Variants in NTRK3 observed in about 807,000 individuals in gnomAD.
NTRK3 encodes the protein neurotrophic receptor tyrosine kinase 3, also known as NT-3 growth factor receptor.
In NTRK3, 24 loss-of-function variants were observed where a neutral mutation model predicts 91.7. The ratio of observed to expected loss-of-function variants is 0.26; its 90% CI spans 0.19 to 0.37. NTRK3 has a LOEUF of 0.37. NTRK3 is among the 10% of genes least tolerant of loss of function. The pLI is 1.00. For synonymous variants in NTRK3, 483 were observed against 404.0 expected (o/e 1.20, Z -2.34); for missense variants, 880 against 1,068.9 (o/e 0.82, Z 2.46).
intron 5 of NTRK3, among the ~76,000 whole-genome samples, chr15:88,153,060 A>G (rs947551834): frequency 6.6e-6 from 1 of 152,162 alleles, no homozygotes; most frequent in African/African-American, 2.4e-5. Context: ...CTAACCAGAA[A>G]ACAATGAATG....
At chr15:87,917,432 G>T (rs866929537) in intron 17 of NTRK3, among the ~76,000 whole-genome samples, 1 of 152,074 alleles carries the variant, frequency 6.6e-6, no homozygotes, top group Non-Finnish European at 1.5e-5. Context: ...GACATTTAAG[G>T]CTCCTTCCAG....
chr15:88,249,228 C>G (rs1448401203), intron 3 of NTRK3, among the ~76,000 whole-genome samples: 1 of 152,176 alleles, frequency 6.6e-6, no homozygotes, highest in African/African-American at 2.4e-5. Flanking sequence ...TGCTGAGCCC[C>G]AGGTTCCCCA....
chr15:87,886,682 A>ATATATATATATATG (rs1328101070), intron 17 of NTRK3, among the ~76,000 whole-genome samples: 2 of 139,122 alleles, frequency 1.4e-5, no homozygotes, highest in Non-Finnish European at 3.1e-5. Flanking sequence ...TTTGCTATAT[A>ATATATATATATATG]TATATATATA....
chr15:88,150,674 G>C (rs1199759287), intron 5 of NTRK3, among the ~76,000 whole-genome samples: 2 of 152,088 alleles, frequency 1.3e-5, no homozygotes, highest in East Asian at 3.9e-4. Flanking sequence ...GTTCAGGGAG[G>C]GTTGCAGTGT....
At chr15:88,256,361 C>T in exon 2 of NTRK3, 4 of 638,498 alleles carry the variant, frequency 6.3e-6, no homozygotes. Flanking sequence ...GCCGCCGCCG[C>T]CGCCGGGTGG....
At chr15:88,110,793 A>C (rs1182963761) in intron 13 of NTRK3, among the ~76,000 whole-genome samples, 1 of 152,126 alleles carries the variant, frequency 6.6e-6, no homozygotes, top group African/African-American at 2.4e-5. Context: ...CCTGGGCCCA[A>C]TTTTCATTTC....
intron 16 of NTRK3, chr15:87,931,090 C>T: frequency 8.0e-6 from 3 of 375,304 alleles, no homozygotes; most frequent in South Asian, 4.0e-5. Flanking sequence ...CTGCTTCTTC[C>T]ACTCCTTATC....
chr15:88,213,495 C>CCAGACAGA (rs57605751), intron 3 of NTRK3, among the ~76,000 whole-genome samples: 1 of 151,860 alleles, frequency 6.6e-6, no homozygotes, highest in Non-Finnish European at 1.5e-5. Context: ...AGACTAAGGC[C>CCAGACAGA]CAGACAGACA....
rs141538690 is a variant in NTRK3, at chr15:87,937,907, G to C, written c.1716+2716C>G. On this transcript the variant is annotated intron_variant, in intron 15 of 18. Transcript: ENST00000394480. Reference sequence around the variant, plus strand: ...TTTAGACCAGATAAAACCACATGAAGAATTCATGAATCAGAAGACCACTGA... The same window carrying C: ...TTTAGACCAGATAAAACCACATGAACAATTCATGAATCAGAAGACCACTGA... Among the ~76,000 whole-genome samples the C allele has an allele frequency of 5.4e-3, 814 of 151,006 alleles. 9 individuals are homozygous for C. Among genetic ancestry groups the C allele is most frequent in the African/African-American group, 0.018 (754 of 41,082 alleles).
At chr15:88,250,544 G>C (rs1049827961) in intron 3 of NTRK3, among the ~76,000 whole-genome samples, 1 of 152,192 alleles carries the variant, frequency 6.6e-6, no homozygotes, top group Non-Finnish European at 1.5e-5. Flanking sequence ...TGGCCCCTGC[G>C]AGGGGGCTTT....
intron 13 of NTRK3, among the ~76,000 whole-genome samples, chr15:88,106,213 G>T (rs1396515186): frequency 6.6e-6 from 1 of 152,220 alleles, no homozygotes; most frequent in Non-Finnish European, 1.5e-5. Flanking sequence ...CTGCTACAGC[G>T]GCCGGCAGGA....
intron 17 of NTRK3, among the ~76,000 whole-genome samples, chr15:87,887,224 T>A (rs1160318531): frequency 1.3e-5 from 2 of 152,150 alleles, no homozygotes; most frequent in Non-Finnish European, 2.9e-5. Flanking sequence ...CTGAGAAGAA[T>A]CTTCAAAATT....
intron 3 of NTRK3, among the ~76,000 whole-genome samples, chr15:88,196,068 A>C (rs1008285131): frequency 1.3e-5 from 2 of 152,364 alleles, no homozygotes; most frequent in African/African-American, 4.8e-5. Context: ...GCTCAAGTGC[A>C]TTGCATAAAG....
intron 13 of NTRK3, among the ~76,000 whole-genome samples, chr15:88,102,718 C>A (rs183342614): frequency 1.4e-3 from 214 of 152,286 alleles, no homozygotes; most frequent in African/African-American, 4.9e-3. Flanking sequence ...TGCCATCCCC[C>A]TCCGAAATCT....
At chr15:88,044,423 G>A (rs2079963480) in intron 13 of NTRK3, among the ~76,000 whole-genome samples, 1 of 151,618 alleles carries the variant, frequency 6.6e-6, no homozygotes, top group African/African-American at 2.4e-5. Flanking sequence ...ACCATACCCG[G>A]CTAATTTTTT....
chr15:87,995,574 G>A (rs2075629722), intron 14 of NTRK3, among the ~76,000 whole-genome samples: 1 of 152,180 alleles, frequency 6.6e-6, no homozygotes, highest in African/African-American at 2.4e-5. Flanking sequence ...GGCAGATCAT[G>A]AAGGAACTTG....
At chr15:88,006,784 C>T (rs1825693) in intron 14 of NTRK3, among the ~76,000 whole-genome samples, 3 of 152,204 alleles carry the variant, frequency 2.0e-5, no homozygotes, top group African/African-American at 4.8e-5. Flanking sequence ...AGCTGGGCTT[C>T]CAAATGCACA....
At chr15:88,059,920 T>A (rs2046057038) in intron 13 of NTRK3, among the ~76,000 whole-genome samples, 1 of 152,088 alleles carries the variant, frequency 6.6e-6, no homozygotes, top group South Asian at 2.1e-4. Context: ...GGGAAGGCCA[T>A]GTGAAGATAC....
intron 15 of NTRK3, 88 bp from the exon 16 acceptor site, chr15:87,933,272 C>A: frequency 8.0e-7 from 1 of 1,254,058 alleles, no homozygotes; most frequent in East Asian, 2.3e-5. Flanking sequence ...GCCCCACACA[C>A]CACTGGGTTA....
Sources: gnomAD v4.1 joint callset for allele counts (sites outside exome capture counted in the v4.1 genomes callset) on GRCh38, gnomAD v4.1.1 for gene constraint, MANE v1.5 for transcripts, NCBI Gene and HGNC (gene_info 2026-07-23, HGNC 2026-07-21) for gene names.